Variants in CTNND1 observed in about 807,000 individuals in gnomAD.
CTNND1 encodes the protein catenin delta 1.
A neutral mutation model predicts 112.1 loss-of-function variants in CTNND1; 16 were observed. The observed-to-expected ratio is 0.14, with a 90% CI of 0.10 to 0.22. The LOEUF (loss-of-function observed/expected upper bound fraction) is 0.22. CTNND1 is among the 10% of genes least tolerant of loss of function. The pLI, the probability that CTNND1 is intolerant of heterozygous loss-of-function variation, is 1.00. For synonymous variants in CTNND1, 420 were observed against 446.5 expected, an observed-to-expected ratio of 0.94 and a Z score of 0.75; for missense variants, 1,008 against 1,257.0, an observed-to-expected ratio of 0.80 and a Z score of 3.00.
In CTNND1 at chr11:57,798,175, T is replaced by C. The variant is rs11570197; in HGVS notation, c.956+1183T>C. On this transcript the variant is annotated intron_variant, in intron 6 of 20. Transcript: ENST00000399050. ...CATCCTGGCTAACACGGTGAAACCC[T>C]GTCTCTACTAAAAATACAAAAATTA... Among the ~76,000 whole-genome samples, 1,106 of 151,864 alleles carry C rather than the reference T, an allele frequency of 7.3e-3. 10 individuals are homozygous for C. The highest frequency in any genetic ancestry group is 0.011 in the Admixed American group (165 of 15,236).
intron 1 of CTNND1, among the ~76,000 whole-genome samples, chr11:57,777,467 A>G (rs1315203275): frequency 6.6e-6 from 1 of 152,082 alleles, no homozygotes; most frequent in Admixed American, 6.6e-5. Flanking sequence ...ATGGGGTTTC[A>G]CCATGTTGGC....
At chr11:57,789,525 T>C (rs577325503) in intron 2 of CTNND1, among the ~76,000 whole-genome samples, 1 of 152,324 alleles carries the variant, frequency 6.6e-6, no homozygotes, top group Non-Finnish European at 1.5e-5. Context: ...TGGATATTTA[T>C]CCTGAGTTGG....
chr11:57,818,316 A>C lies in CTNND1; in HGVS notation c.*2008A>C, dbSNP rs879340883. On this transcript the variant is annotated 3_prime_UTR_variant, in exon 21 of 21. Transcript: ENST00000399050. ...AACATTCAATTCCAGAGAACCAAAA[A>C]TCCCACCTTCCCACCGAACACTACT... 2.6e-5 allele frequency: 4 copies of C among 151,828 alleles called. No individual in the cohort carries two copies. The highest frequency in any genetic ancestry group is 5.9e-5 in the Non-Finnish European group (4 of 67,900). The allele number at this position is 151,828 out of a possible 1,614,324, so 9.4% of individuals were successfully genotyped here.
chr11:57,812,298 T>A (rs970248002), intron 17 of CTNND1, among the ~76,000 whole-genome samples: 13 of 152,174 alleles, frequency 8.5e-5, no homozygotes, highest in Non-Finnish European at 1.6e-4. Flanking sequence ...GGCGGGCAGA[T>A]CACCTGAGGT....
At position 57,816,371 on chromosome 11, in the gene CTNND1, T is replaced by C; in HGVS notation, c.*63T>C. The C allele has an allele frequency of 6.2e-7, 1 of 1,602,536 alleles. No homozygotes were observed. Among genetic ancestry groups the C allele is most frequent in the Non-Finnish European group, 8.5e-7 (1 of 1,170,476 alleles). The stretch of plus-strand genomic sequence containing the variant: ...TTTATTTTTTGGTGGTGAAATTGAC[T>C]GATGATTTTCCTTTTTCTTCGCTGG... On this transcript the variant is annotated 3_prime_UTR_variant, in exon 21 of 21. Coordinates refer to ENST00000399050, the MANE Select transcript of CTNND1 (RefSeq NM_001085458.2).
At chr11:57,765,673 G>A (rs1164166201) in intron 1 of CTNND1, among the ~76,000 whole-genome samples, 1 of 151,850 alleles carries the variant, frequency 6.6e-6, no homozygotes, top group African/African-American at 2.4e-5. Context: ...TCTCTATGTA[G>A]TCCAGGCTGG....
intron 2 of CTNND1, among the ~76,000 whole-genome samples, chr11:57,790,670 G>C (rs1313879133): frequency 6.8e-6 from 1 of 147,094 alleles, no homozygotes; most frequent in Non-Finnish European, 1.5e-5. Context: ...CCATTCTCCT[G>C]TCTCAGCCTC....
At chr11:57,773,294 G>T (rs1292658754) in intron 1 of CTNND1, among the ~76,000 whole-genome samples, 1 of 151,794 alleles carries the variant, frequency 6.6e-6, no homozygotes, top group Non-Finnish European at 1.5e-5. Context: ...CATCACATCT[G>T]GCTACTTTTT....
At chr11:57,774,402 C>T (rs1953628203) in intron 1 of CTNND1, among the ~76,000 whole-genome samples, 1 of 152,172 alleles carries the variant, frequency 6.6e-6, no homozygotes, top group Admixed American at 6.5e-5. Context: ...TGTAGCAACT[C>T]GGGATTCCAG....
intron 1 of CTNND1, among the ~76,000 whole-genome samples, chr11:57,775,903 T>C: frequency 6.6e-6 from 1 of 152,202 alleles, no homozygotes; most frequent in East Asian, 1.9e-4. Flanking sequence ...TTGAGTTTAG[T>C]CTGGGAAGCC....
At chr11:57,815,558 G>A in intron 19 of CTNND1, 58 bp downstream of exon 19, 4 of 1,391,512 alleles carry the variant, frequency 2.9e-6, no homozygotes, top group South Asian at 1.2e-5. Context: ...TGAAGCCTAT[G>A]TGTTTTGTGA....
intron 1 of CTNND1, among the ~76,000 whole-genome samples, chr11:57,785,300 A>G (rs1312484101): frequency 6.6e-6 from 1 of 152,154 alleles, no homozygotes; most frequent in Admixed American, 6.5e-5. Context: ...TGCCTCATTT[A>G]ATCTTCACAA....
At chr11:57,771,008 T>C (rs905954588) in intron 1 of CTNND1, among the ~76,000 whole-genome samples, 3 of 152,194 alleles carry the variant, frequency 2.0e-5, no homozygotes, top group Non-Finnish European at 4.4e-5. Context: ...TGGGGCACAG[T>C]TGGCCTCTTG....
chr11:57,811,286 G>A, intron 16 of CTNND1, 113 bp from the exon 17 acceptor site: 1 of 748,460 alleles, frequency 1.3e-6, no homozygotes, highest in Non-Finnish European at 2.3e-6. Flanking sequence ...CTTATAAGTT[G>A]CTTTTTCATG....
intron 1 of CTNND1, among the ~76,000 whole-genome samples, chr11:57,766,608 G>C (rs1951130015): frequency 6.6e-6 from 1 of 152,204 alleles, no homozygotes; most frequent in African/African-American, 2.4e-5. Flanking sequence ...AAATTATGCA[G>C]CTGCCTCCAA....
In CTNND1 at chr11:57,773,452, GT is replaced by G. The variant is rs112626428; in HGVS notation, c.-214+11348del. ...CCAGCCTGAGAGTACCTGAGATTAT[GT>G]TTTTTTTTTTTTTTGAGACGGAGTT... On this transcript the variant is annotated intron_variant, in intron 1 of 20. Coordinates refer to ENST00000399050, the MANE Select transcript of CTNND1 (RefSeq NM_001085458.2). Among the ~76,000 whole-genome samples, 540 of 133,448 alleles carry G rather than the reference GT, an allele frequency of 4.0e-3. 1 individual carries two copies. The highest frequency in any genetic ancestry group is 4.0e-3 in the Non-Finnish European group (243 of 61,296). The allele number at this position is 133,448 out of a possible 152,430, so 87.5% of individuals were successfully genotyped here.
chr11:57,812,563 G>A (rs192213888), intron 17 of CTNND1, among the ~76,000 whole-genome samples: 66 of 152,172 alleles, frequency 4.3e-4, no homozygotes, highest in Middle Eastern at 3.4e-3. Context: ...CTACCCTTGA[G>A]TATACATCTT....
At chr11:57,789,831 C>T (rs1181571678) in intron 2 of CTNND1, among the ~76,000 whole-genome samples, 1 of 152,184 alleles carries the variant, frequency 6.6e-6, no homozygotes, top group African/African-American at 2.4e-5. Flanking sequence ...TGGGAACTTC[C>T]AGCCATTGAC....
intron 1 of CTNND1, among the ~76,000 whole-genome samples, chr11:57,767,278 C>T (rs1019542366): frequency 1.3e-5 from 2 of 152,096 alleles, no homozygotes; most frequent in Non-Finnish European, 2.9e-5. Context: ...TATCTTAAAG[C>T]CTTCCTTGCT....
Sources: gnomAD v4.1 joint callset for allele counts (sites outside exome capture counted in the v4.1 genomes callset) on GRCh38, gnomAD v4.1.1 for gene constraint, MANE v1.5 for transcripts, NCBI Gene and HGNC (gene_info 2026-07-23, HGNC 2026-07-21) for gene names.